Variants in CSMD1 observed in about 807,000 individuals in gnomAD.
CSMD1 encodes CUB and sushi domain-containing protein 1.
CSMD1 carries 213 observed loss-of-function variants against 417.5 expected under a neutral mutation model. The observed-to-expected ratio is 0.51, with a 90% CI of 0.46 to 0.57. CSMD1 has a LOEUF of 0.57. Among genes scored for constraint, CSMD1 ranks in the 20% least tolerant of loss-of-function variants. The probability of loss-of-function intolerance (pLI) is 0.00; values close to 1 mark genes in which losing one functional copy is unlikely to be tolerated. For synonymous variants in CSMD1, 2,862 were observed against 1,736.8 expected, an observed-to-expected ratio of 1.65 and a Z score of -16.11; for missense variants, 6,923 against 4,529.7, an observed-to-expected ratio of 1.53 and a Z score of -15.17.
chr8:3,797,692 C>G (rs926882677), intron 5 of CSMD1, among the ~76,000 whole-genome samples: 1 of 151,812 alleles, frequency 6.6e-6, no homozygotes. Context: ...ATTGTTTCAC[C>G]TTTTGGCTAA....
At chr8:3,383,172 G>A (rs986571536) in intron 18 of CSMD1, among the ~76,000 whole-genome samples, 1 of 152,116 alleles carries the variant, frequency 6.6e-6, no homozygotes, top group Admixed American at 6.6e-5. Context: ...TACTTTTAGG[G>A]GTGATTAACA....
intron 1 of CSMD1, among the ~76,000 whole-genome samples, chr8:4,967,634 C>A (rs1006421763): frequency 5.3e-5 from 8 of 152,116 alleles, no homozygotes; most frequent in Non-Finnish European, 1.0e-4. Context: ...ATGTTCAGTT[C>A]TTAAATGATT....
rs1043041797 is a variant in CSMD1 at position 4,068,732 on chromosome 8, C to T, written c.416-36633G>A. 9.9e-5 allele frequency among the ~76,000 whole-genome samples: 15 copies of T among 152,132 alleles called. No homozygotes were observed. The South Asian group carries it at 1.0e-3, about 11-fold the overall frequency. On this transcript the variant is annotated intron_variant, in intron 3 of 69. Coordinates refer to ENST00000635120, the MANE Select transcript of CSMD1 (RefSeq NM_033225.6). The stretch of plus-strand genomic sequence containing the variant: ...GGGAAAAAAGAAATAACTATGCCTG[C>T]GCTGTGTATTTCTGTACCATAAAAT...
intron 6 of CSMD1, among the ~76,000 whole-genome samples, chr8:3,724,587 T>C (rs988925154): frequency 2.0e-5 from 3 of 152,034 alleles, no homozygotes; most frequent in Non-Finnish European, 2.9e-5. Flanking sequence ...GGAGAGGAAT[T>C]AGGGAGGGGG....
intron 5 of CSMD1, among the ~76,000 whole-genome samples, chr8:3,908,476 A>G (rs866401477): frequency 2.0e-5 from 3 of 152,312 alleles, no homozygotes; most frequent in African/African-American, 7.2e-5. Context: ...CTGGGCCTTT[A>G]CACATCCAGT....
intron 2 of CSMD1, among the ~76,000 whole-genome samples, chr8:4,561,876 G>A (rs1306352114): frequency 2.6e-5 from 4 of 152,166 alleles, no homozygotes; most frequent in African/African-American, 9.7e-5. Context: ...AAGCCACACA[G>A]CGCATATGTC....
chr8:4,249,011 G>C (rs73498579), intron 3 of CSMD1, among the ~76,000 whole-genome samples: 1 of 152,134 alleles, frequency 6.6e-6, no homozygotes, highest in Non-Finnish European at 1.5e-5. Flanking sequence ...TGTATTTAAT[G>C]AACTTACAAC....
At chr8:3,040,407 T>TATAC (rs1554496462) in intron 50 of CSMD1, among the ~76,000 whole-genome samples, 4 of 142,934 alleles carry the variant, frequency 2.8e-5, no homozygotes, top group Non-Finnish European at 6.0e-5. Flanking sequence ...TATATATATA[T>TATAC]ATATATAACA....
chr8:4,258,289 G>T (rs934071082), intron 3 of CSMD1, among the ~76,000 whole-genome samples: 2 of 123,986 alleles, frequency 1.6e-5, no homozygotes, highest in Non-Finnish European at 3.3e-5. Flanking sequence ...TTATGGTAAG[G>T]AGAAAGGGAG....
Position 4,819,043 on chromosome 8 carries a change from A to T in CSMD1, c.85+175289T>A, listed in dbSNP as rs188326997. On this transcript the variant is annotated intron_variant, in intron 1 of 69. Coordinates refer to ENST00000635120, the MANE Select transcript of CSMD1 (RefSeq NM_033225.6). ...TGGTGAGGAATAAATGGCTTGGAAG[A>T]CACAGAATACCTGGAAGAGCAGCTC... Among the ~76,000 whole-genome samples the T allele has an allele frequency of 1.1e-3, 169 of 152,274 alleles. 2 individuals carry two copies. The highest frequency in any genetic ancestry group is 3.9e-3 in the African/African-American group (164 of 41,574).
rs557702066 is a variant in CSMD1 at position 3,118,416 on chromosome 8, G to C, written c.6413C>G (p.Pro2138Arg). 14 of 1,613,078 alleles carry C rather than the reference G, an allele frequency of 8.7e-6. No individual in the cohort carries two copies. The highest frequency in any genetic ancestry group is 5.0e-5 in the Admixed American group (3 of 59,892). Residue 2138 changes from proline to arginine, a missense_variant, in exon 42 of 70, where the codon CCT (proline) becomes CGT (arginine). By Grantham distance (103) the Pro-to-Arg change is moderately radical. Transcript: ENST00000635120. ...GAACTTACCATCACATCTTGGAAAA[G>C]GGTAGTTCCAGTTTCTGTTGATCCC... ...QHGINRNWNY[P>R]FPRCDAPCGY...
At chr8:3,791,101 G>A (rs964670386) in intron 5 of CSMD1, among the ~76,000 whole-genome samples, 2 of 152,120 alleles carry the variant, frequency 1.3e-5, no homozygotes, top group African/African-American at 4.8e-5. Flanking sequence ...TCAGTGTGAT[G>A]GAACACTTTA....
intron 3 of CSMD1, among the ~76,000 whole-genome samples, chr8:4,201,876 C>G (rs1006767400): frequency 1.5e-5 from 1 of 68,724 alleles, no homozygotes; most frequent in African/African-American, 4.5e-5. Context: ...GACCATTATA[C>G]ATGGAAATTT....
intron 2 of CSMD1, among the ~76,000 whole-genome samples, chr8:4,438,997 A>C (rs1030251237): frequency 1.3e-5 from 2 of 152,164 alleles, no homozygotes; most frequent in Non-Finnish European, 2.9e-5. Context: ...CGTTTGGGGC[A>C]AATTTTCATT....
chr8:4,152,576 A>T (rs1179944969), intron 3 of CSMD1, among the ~76,000 whole-genome samples: 1 of 151,850 alleles, frequency 6.6e-6, no homozygotes, highest in South Asian at 2.1e-4. Flanking sequence ...TGTGTTCCCA[A>T]CTCCTTGGGA....
Position 3,997,043 on chromosome 8 carries a change from G to C in CSMD1, c.818+860C>G, listed in dbSNP as rs185629684. ...CTCATAAATGGCCAACATTTCCTCT[G>C]TGTCTACCTGAGTTTCAACATACCC... is the stretch of plus-strand genomic sequence containing the variant. On this transcript the variant is annotated intron_variant, in intron 5 of 69. Coordinates refer to ENST00000635120, the MANE Select transcript of CSMD1 (RefSeq NM_033225.6). Among the ~76,000 whole-genome samples, 228 of 152,186 alleles carry C rather than the reference G, an allele frequency of 1.5e-3. 1 individual carries two copies. Among genetic ancestry groups the C allele is most frequent in the African/African-American group, 5.3e-3 (220 of 41,514 alleles).
At chr8:4,022,006 G>C (rs1398290057) in intron 4 of CSMD1, among the ~76,000 whole-genome samples, 2 of 151,528 alleles carry the variant, frequency 1.3e-5, no homozygotes, top group Admixed American at 6.6e-5. Flanking sequence ...GTCTAATTCT[G>C]GAGTCCAACA....
In CSMD1 at chr8:3,925,209, A is replaced by G. The variant is rs1326140452; in HGVS notation, c.818+72694T>C. Among the ~76,000 whole-genome samples the G allele has an allele frequency of 5.9e-5, 9 of 152,332 alleles. No homozygotes were observed. The East Asian group carries it at 9.7e-4, about 16-fold the overall frequency. ...GAAATGTGTGTGTTTTCAATTTGCTACATTTTGGGCTATTTTGCTTTACAG... is the reference window on the plus strand; with the variant it reads ...GAAATGTGTGTGTTTTCAATTTGCTGCATTTTGGGCTATTTTGCTTTACAG... On this transcript the variant is annotated intron_variant, in intron 5 of 69. Coordinates refer to ENST00000635120, the MANE Select transcript of CSMD1 (RefSeq NM_033225.6).
In CSMD1 at chr8:3,727,541, G is replaced by T. The variant is rs142740792; in HGVS notation, c.932-19050C>A. 3.1e-3 allele frequency among the ~76,000 whole-genome samples: 472 copies of T among 152,234 alleles called. 3 individuals are homozygous for T. Among genetic ancestry groups the T allele is most frequent in the African/African-American group, 0.011 (458 of 41,538 alleles). On this transcript the variant is annotated intron_variant, in intron 6 of 69. Transcript: ENST00000635120. ...GAATGTAAAATGAGGCAGCTGTCGT[G>T]AAAAAACAGTATGGAAGTTCCTCGA...
Sources: allele counts gnomAD v4.1 joint callset (sites outside exome capture counted in the v4.1 genomes callset), GRCh38; gene constraint gnomAD v4.1.1; transcripts MANE v1.5; gene names NCBI Gene and HGNC (gene_info 2026-07-23, HGNC 2026-07-21).